Variants in PRTG observed in about 807,000 individuals in gnomAD.
PRTG encodes the protein immunoglobulin superfamily, DCC subclass, member 5.
A neutral mutation model predicts 122.5 loss-of-function variants in PRTG; 67 were observed. The observed-to-expected ratio is 0.55, with a 90% CI of 0.45 to 0.67. The LOEUF (loss-of-function observed/expected upper bound fraction) is 0.67. PRTG is among the 30% of genes least tolerant of loss of function. PRTG has a pLI of 0.00. For synonymous variants in PRTG, 554 were observed against 501.1 expected, an observed-to-expected ratio of 1.11 and a Z score of -1.41; for missense variants, 1,435 against 1,415.4, an observed-to-expected ratio of 1.01 and a Z score of -0.22.
chr15:55,737,995 TCTCTCTCTATA>T (rs2031470034), intron 2 of PRTG, among the ~76,000 whole-genome samples: 2 of 63,782 alleles, frequency 3.1e-5, no homozygotes, highest in Non-Finnish European at 7.6e-5. Flanking sequence ...TCTCTCTCTC[TCTCTCTCTATA>T]TATATATATA....
At chr15:55,742,135 T>C (rs2031627584) in intron 1 of PRTG, 1 of 152,114 alleles carries the variant, frequency 6.6e-6, no homozygotes, top group Non-Finnish European at 1.5e-5. Context: ...CCCAAATACC[T>C]AGCTGTAGGA....
At chr15:55,709,145 C>CAAA (rs3985769) in intron 2 of PRTG, among the ~76,000 whole-genome samples, 10 of 51,832 alleles carry the variant, frequency 1.9e-4, no homozygotes, top group Admixed American at 3.5e-4. Context: ...GACTCTGTCT[C>CAAA]AAAAAAAAAA....
At chr15:55,640,011 A>C in intron 12 of PRTG, 183 bp from the exon 13 acceptor site, 1 of 962,772 alleles carries the variant, frequency 1.0e-6, no homozygotes, top group Non-Finnish European at 1.2e-6. Flanking sequence ...GAGTTATATA[A>C]GAAGTCAAAA....
At chr15:55,657,825 T>G (rs2059388648) in intron 11 of PRTG, among the ~76,000 whole-genome samples, 1 of 152,198 alleles carries the variant, frequency 6.6e-6, no homozygotes, top group Non-Finnish European at 1.5e-5. Context: ...TCTCTTCATC[T>G]AGGTATATTC....
At chr15:55,620,313 A>C (rs1433660571) in intron 19 of PRTG, 47 bp from the exon 20 acceptor site, 1 of 1,592,860 alleles carries the variant, frequency 6.3e-7, no homozygotes, top group Non-Finnish European at 8.5e-7. Context: ...GACTGATCGA[A>C]TCCACGAGCA....
rs115098477 is a variant in PRTG at position 55,712,152 on chromosome 15, A to G, written c.398-28221T>C. 3.4e-3 allele frequency among the ~76,000 whole-genome samples: 514 copies of G among 152,340 alleles called. 3 individuals carry two copies. Among genetic ancestry groups the G allele is most frequent in the African/African-American group, 0.012 (483 of 41,584 alleles). ...ACAGAACTGCATCCTAGCCTTTTAA[A>G]TAAAGTGAATAAGCTCACATAGAAT... On this transcript the variant is annotated intron_variant, in intron 2 of 19. Transcript: ENST00000389286.
chr15:55,646,236 T>C (rs2059322321), intron 11 of PRTG, among the ~76,000 whole-genome samples: 2 of 148,674 alleles, frequency 1.3e-5, no homozygotes, highest in Admixed American at 1.4e-4. Flanking sequence ...ATGGTCTCAA[T>C]CTTCTGACCT....
At chr15:55,683,958 G>T in intron 2 of PRTG, 27 bp from the exon 3 acceptor site, 1 of 1,595,692 alleles carries the variant, frequency 6.3e-7, no homozygotes, top group South Asian at 1.1e-5. Context: ...GAGAAATTCA[G>T]AATAAGTGCA....
intron 2 of PRTG, among the ~76,000 whole-genome samples, chr15:55,730,467 A>T (rs2141882401): frequency 6.6e-6 from 1 of 152,060 alleles, no homozygotes; most frequent in East Asian, 1.9e-4. Context: ...ATACATCTCC[A>T]CACAACTCAC....
chr15:55,711,183 A>G (rs2030372728), intron 2 of PRTG, among the ~76,000 whole-genome samples: 1 of 151,774 alleles, frequency 6.6e-6, no homozygotes, highest in South Asian at 2.1e-4. Flanking sequence ...TGGCCTCCCA[A>G]ACTGTTGAGA....
rs1026460988 is a variant in PRTG at position 55,614,903 on chromosome 15, G to C, written c.*5109C>G. 6.6e-6 allele frequency: 1 copy of C among 152,066 alleles called. No homozygotes were observed. The highest frequency in any genetic ancestry group is 2.4e-5 in the African/African-American group (1 of 41,420). 9.4% of individuals were successfully genotyped at this position (152,066 alleles called of 1,614,324 possible). On this transcript the variant is annotated 3_prime_UTR_variant, in exon 20 of 20. Transcript: ENST00000389286. Reference sequence around the variant, plus strand: ...GGCAAAATACTGGCCACCTACAGAAGTCCATGCCCAAATCCCTGGAACCAG... The same window carrying C: ...GGCAAAATACTGGCCACCTACAGAACTCCATGCCCAAATCCCTGGAACCAG...
At chr15:55,651,897 G>A (rs993656732) in intron 11 of PRTG, among the ~76,000 whole-genome samples, 1 of 152,146 alleles carries the variant, frequency 6.6e-6, no homozygotes, top group Non-Finnish European at 1.5e-5. Flanking sequence ...AAGACTTAGA[G>A]AGTTTTATTT....
intron 2 of PRTG, among the ~76,000 whole-genome samples, chr15:55,704,120 C>G (rs1248375929): frequency 2.0e-5 from 3 of 152,216 alleles, no homozygotes; most frequent in Non-Finnish European, 4.4e-5. Flanking sequence ...TTACCAAGAC[C>G]ACTTTCCCTT....
In PRTG at chr15:55,692,424, C is replaced by A. The variant is rs139360374; in HGVS notation, c.398-8493G>T. On this transcript the variant is annotated intron_variant, in intron 2 of 19. Coordinates refer to ENST00000389286, the MANE Select transcript of PRTG (RefSeq NM_173814.6). Reference sequence around the variant, plus strand: ...TGGCTCAGAGGTATTCAGGGGAGACCGAGGAAAGGATCCATATAGTTCTGA... The same window carrying A: ...TGGCTCAGAGGTATTCAGGGGAGACAGAGGAAAGGATCCATATAGTTCTGA... Among the ~76,000 whole-genome samples the A allele has an allele frequency of 3.3e-5, 5 of 152,092 alleles. No homozygotes were observed. The East Asian group carries it at 9.7e-4, about 29-fold the overall frequency.
intron 18 of PRTG, among the ~76,000 whole-genome samples, 163 bp downstream of exon 18, chr15:55,624,179 A>G (rs1279855379): frequency 7.7e-6 from 1 of 130,356 alleles, no homozygotes; most frequent in Non-Finnish European, 1.8e-5. Flanking sequence ...TTTTCCCCCT[A>G]AATATTTTAT....
chr15:55,726,883 G>T (rs2031051758), intron 2 of PRTG, among the ~76,000 whole-genome samples: 1 of 151,066 alleles, frequency 6.6e-6, no homozygotes, highest in Non-Finnish European at 1.5e-5. Flanking sequence ...GGCAAGCAGA[G>T]TTTGCAGTGA....
Position 55,673,573 on chromosome 15 carries a change from C to T in PRTG, c.1650G>A (p.Val550=), listed in dbSNP as rs759623453. The change falls in exon 10 of 20, where the codon GTG becomes GTA. Residue 550 remains valine (V), a synonymous_variant. Coordinates refer to ENST00000389286, the MANE Select transcript of PRTG (RefSeq NM_173814.6). ...IPAKYRRGQV[V]LYRLSFRLST... is the part of the protein sequence containing the mutation. ...TTAGGCGGAAAGACAAGCGATACAG[C>T]ACCACTTGGCCCCGCCGATATTTGG... is the stretch of plus-strand genomic sequence containing the variant. The T allele has an allele frequency of 3.1e-6, 5 of 1,614,064 alleles. No individual in the cohort carries two copies. Among genetic ancestry groups the T allele is most frequent in the Admixed American group, 1.7e-5 (1 of 60,002 alleles).
At chr15:55,690,540 A>C (rs564940839) in intron 2 of PRTG, among the ~76,000 whole-genome samples, 1 of 152,356 alleles carries the variant, frequency 6.6e-6, no homozygotes, top group East Asian at 1.9e-4. Flanking sequence ...AAATGCTCCA[A>C]ATCTGGAACT....
intron 2 of PRTG, among the ~76,000 whole-genome samples, chr15:55,691,056 C>A (rs950304139): frequency 2.0e-5 from 3 of 151,966 alleles, no homozygotes; most frequent in Non-Finnish European, 4.4e-5. Flanking sequence ...ACCCGTAATC[C>A]CTGCACTTCA....
Sources: allele counts gnomAD v4.1 joint callset (sites outside exome capture counted in the v4.1 genomes callset), GRCh38; gene constraint gnomAD v4.1.1; transcripts MANE v1.5; gene names NCBI Gene and HGNC (gene_info 2026-07-23, HGNC 2026-07-21).